Variants in PRELID2 observed in about 807,000 individuals in gnomAD.
PRELID2 encodes PRELI domain-containing protein 2.
A neutral mutation model predicts 28.4 loss-of-function variants in PRELID2; 25 were observed. The ratio of observed to expected loss-of-function variants is 0.88; its 90% CI spans 0.64 to 1.23. The LOEUF (loss-of-function observed/expected upper bound fraction) is 1.23, where lower values mean the gene tolerates loss of function less well. PRELID2 is among the 50% of genes most tolerant of loss of function. The pLI is 0.00. For missense variants in PRELID2, 201 were observed against 214.4 expected (o/e 0.94, Z 0.39); for synonymous variants, 76 against 71.6 (o/e 1.06, Z -0.31).
rs1179006771 is a variant in PRELID2 at position 145,615,322 on chromosome 5, T to TGGTTGGTGAATTCTTATCCATTCTGCAG, written n.71-142008_71-142007insCTGCAGAATGGATAAGAATTCACCAACC. 7.7e-3 allele frequency among the ~76,000 whole-genome samples: 794 copies of TGGTTGGTGAATTCTTATCCATTCTGCAG among 102,598 alleles called. 127 individuals are homozygous for TGGTTGGTGAATTCTTATCCATTCTGCAG. The highest frequency in any genetic ancestry group is 0.028 in the African/African-American group (563 of 20,158). 67.3% of individuals were successfully genotyped at this position (102,598 alleles called of 152,430 possible). A position where few individuals can be genotyped will look rare whatever the true frequency, so the allele number is the denominator to read the frequency against. ...CCTTATGTGTTATGTGAGTCTCTTT[T>TGGTTGGTGAATTCTTATCCATTCTGCAG]TTTTGTTTTTTTTTTTTTTTTTTGA... is the stretch of plus-strand genomic sequence containing the variant. On this transcript the variant is annotated intron_variant and non_coding_transcript_variant, in intron 1 of 2. Coordinates refer to the PRELID2 transcript ENST00000510259.
chr5:145,312,155 G>A, the PRELID2 span, among the ~76,000 whole-genome samples: 1 of 151,454 alleles, frequency 6.6e-6, no homozygotes, highest in African/African-American at 2.4e-5. Flanking sequence ...AGACCAGCCT[G>A]GACAACATGA....
chr5:145,337,296 A>G, the PRELID2 span, among the ~76,000 whole-genome samples: 1 of 152,034 alleles, frequency 6.6e-6, no homozygotes, highest in African/African-American at 2.4e-5. Flanking sequence ...AAAGGTAGGC[A>G]ATATTGCAAA....
At chr5:145,601,753 C>T (rs1753400966) in intron 1 of PRELID2, among the ~76,000 whole-genome samples, 1 of 152,128 alleles carries the variant, frequency 6.6e-6, no homozygotes, top group Non-Finnish European at 1.5e-5. Context: ...GACACAGTAA[C>T]TTTGAGTTTC....
the PRELID2 span, among the ~76,000 whole-genome samples, chr5:145,447,630 C>T: frequency 0.018 from 1,865 of 102,798 alleles, 68 homozygotes; most frequent in African/African-American, 0.067. Flanking sequence ...CCTCCCCCCA[C>T]CCCACCACAG....
At chr5:145,375,503 G>T in the PRELID2 span, among the ~76,000 whole-genome samples, 1 of 152,128 alleles carries the variant, frequency 6.6e-6, no homozygotes, top group Non-Finnish European at 1.5e-5. Flanking sequence ...GTCCCTTGGT[G>T]GAGAGGGTGT....
chr5:145,499,053 G>A (rs1429230338), intron 1 of PRELID2, among the ~76,000 whole-genome samples: 1 of 152,088 alleles, frequency 6.6e-6, no homozygotes, highest in South Asian at 2.1e-4. Flanking sequence ...TTTGAGACCA[G>A]CCTGGGCAAC....
At chr5:145,521,968 G>A (rs955638849) in intron 1 of PRELID2, among the ~76,000 whole-genome samples, 4 of 152,024 alleles carry the variant, frequency 2.6e-5, no homozygotes, top group Non-Finnish European at 4.4e-5. Flanking sequence ...AATACAGCCT[G>A]TTTCTCTACC....
chr5:145,696,411 A>T (rs187331294), intron 1 of PRELID2, among the ~76,000 whole-genome samples: 1 of 152,222 alleles, frequency 6.6e-6, no homozygotes, highest in East Asian at 1.9e-4. Context: ...TTCATTCATT[A>T]ATTTATTCAC....
chr5:145,586,026 G>T (rs1292905391), intron 1 of PRELID2, among the ~76,000 whole-genome samples: 1 of 149,332 alleles, frequency 6.7e-6, no homozygotes, highest in African/African-American at 2.5e-5. Flanking sequence ...ATTGTTCCAG[G>T]CTCTTAATAA....
chr5:145,454,729 CA>C, the PRELID2 span, among the ~76,000 whole-genome samples: 4 of 152,124 alleles, frequency 2.6e-5, no homozygotes, highest in South Asian at 8.3e-4. Flanking sequence ...CTCTAATGGC[CA>C]GTGATTATGA....
the PRELID2 span, among the ~76,000 whole-genome samples, chr5:145,325,772 T>C: frequency 0.66 from 101,048 of 151,998 alleles, 33,821 homozygotes; most frequent in East Asian, 0.89. Context: ...AGGTTTTTCT[T>C]GTCTTTTTTC....
At chr5:145,655,204 A>G (rs1754371898) in intron 1 of PRELID2, among the ~76,000 whole-genome samples, 2 of 151,970 alleles carry the variant, frequency 1.3e-5, no homozygotes, top group Admixed American at 1.3e-4. Context: ...GATGTGAAGG[A>G]CCTCTTCAAG....
At chr5:145,604,896 T>TTGGCC (rs1561517256) in intron 1 of PRELID2, among the ~76,000 whole-genome samples, 2 of 143,308 alleles carry the variant, frequency 1.4e-5, no homozygotes, top group Non-Finnish European at 3.0e-5. Flanking sequence ...TATATATATA[T>TTGGCC]ATATATATTC....
chr5:145,427,980 CGG>C, the PRELID2 span, among the ~76,000 whole-genome samples: 1 of 151,896 alleles, frequency 6.6e-6, no homozygotes, highest in African/African-American at 2.4e-5. Context: ...TTTTTTGAGA[CGG>C]AGTTTTGCTC....
intron 5 of PRELID2, among the ~76,000 whole-genome samples, chr5:145,779,545 G>T (rs601775): frequency 0.18 from 26,959 of 148,442 alleles, 2,872 homozygotes; most frequent in East Asian, 0.53. Flanking sequence ...AATATTACTT[G>T]AAAAAAGCAA....
chr5:145,670,781 C>A (rs2149682930), intron 1 of PRELID2, among the ~76,000 whole-genome samples: 1 of 152,296 alleles, frequency 6.6e-6, no homozygotes, highest in South Asian at 2.1e-4. Context: ...ATCTTTATAA[C>A]TGATGCATGG....
At chr5:145,506,287 G>T (rs1469937676) in intron 1 of PRELID2, among the ~76,000 whole-genome samples, 1 of 152,076 alleles carries the variant, frequency 6.6e-6, no homozygotes, top group Non-Finnish European at 1.5e-5. Context: ...CCAGTTCAGA[G>T]ATTTTGTTCC....
intron 1 of PRELID2, among the ~76,000 whole-genome samples, chr5:145,648,762 C>T: frequency 6.7e-6 from 1 of 149,726 alleles, no homozygotes; most frequent in Non-Finnish European, 1.5e-5. Context: ...TTTCTCTGAG[C>T]CACCCCTTAT....
chr5:145,669,826 C>A (rs942550334), intron 1 of PRELID2, among the ~76,000 whole-genome samples: 1 of 152,024 alleles, frequency 6.6e-6, no homozygotes, highest in South Asian at 2.1e-4. Flanking sequence ...TTTACCAAAT[C>A]GACTCATTCT....
Sources: gnomAD v4.1 joint callset for allele counts (sites outside exome capture counted in the v4.1 genomes callset) on GRCh38, gnomAD v4.1.1 for gene constraint, MANE v1.5 for transcripts, NCBI Gene and HGNC (gene_info 2026-07-23, HGNC 2026-07-21) for gene names.